The following CTSS variants were observed in gnomAD, a reference collection of about 807,000 sequenced individuals.
The protein encoded by CTSS is cathepsin S.
CTSS carries 15 observed loss-of-function variants against 39.9 expected under a neutral mutation model. The ratio of observed to expected loss-of-function variants is 0.38; its 90% CI spans 0.25 to 0.58. The LOEUF (loss-of-function observed/expected upper bound fraction) is 0.58, where lower values mean the gene tolerates loss of function less well. Ranked by LOEUF, CTSS falls within the 20% of genes least tolerant of loss-of-function variation. CTSS has a pLI of 0.70. For synonymous variants in CTSS, 126 were observed against 138.2 expected (o/e 0.91, Z 0.62); for missense variants, 250 against 398.2 (o/e 0.63, Z 3.17).
In CTSS at chr1:150,764,651, T is replaced by G. The variant is rs1184178611; in HGVS notation, c.113A>C (p.Gln38Pro). The change falls in exon 2 of 8, where the codon CAA becomes CCA. Residue 38 changes from glutamine to proline, a missense_variant. Physicochemically the swap from Gln to Pro is moderately conservative, Grantham distance 76. Coordinates refer to ENST00000368985, the MANE Select transcript of CTSS (RefSeq NM_004079.5). The stretch of plus-strand genomic sequence containing the variant: ...AATCCAATCTACCTTTTCCTTGTAT[T>G]GTTTGCCATAGGTTTTCTTCCAGAG... ...WHLWKKTYGK[Q>P]YKEKNEEAVR... 6.2e-7 allele frequency: 1 copy of G among 1,614,172 alleles called. No individual in the cohort carries two copies. Among genetic ancestry groups the G allele is most frequent in the Non-Finnish European group, 8.5e-7 (1 of 1,180,000 alleles).
intron 4 of CTSS, among the ~76,000 whole-genome samples, chr1:150,752,859 G>T (rs1532770): frequency 0.35 from 53,373 of 151,742 alleles, 9,735 homozygotes; most frequent in South Asian, 0.54. Context: ...ACTTCTTTTT[G>T]TTTGTTTGTT....
chr1:150,751,970 C>A lies in CTSS; in HGVS notation c.438G>T (p.Gly146=). ...TCAGCTTCAGCTGTGCTTCCAGGGC[C>A]CCCACAGCACTGAAAGCCCAGCAAG... ...CGACWAFSAV[G]ALEAQLKLKT... Residue 146 remains glycine (G), a synonymous_variant, in exon 5 of 8, where the codon GGG becomes GGT. Transcript: ENST00000368985. The A allele has an allele frequency of 1.2e-6, 2 of 1,614,102 alleles. No individual in the cohort carries two copies. The highest frequency in any genetic ancestry group is 2.2e-5 in the South Asian group (2 of 91,072).
intron 3 of CTSS, among the ~76,000 whole-genome samples, chr1:150,757,217 A>G (rs1653151621): frequency 6.6e-6 from 1 of 152,210 alleles, no homozygotes; most frequent in African/African-American, 2.4e-5. Flanking sequence ...GGAAGGAGAA[A>G]AAGAGAATGG....
At chr1:150,764,529 C>A in intron 2 of CTSS, 109 bp downstream of exon 2, 1 of 1,460,038 alleles carries the variant, frequency 6.8e-7, no homozygotes, top group Non-Finnish European at 9.4e-7. Context: ...CGAGCCACCA[C>A]ACCCAGCTTA....
At chr1:150,757,150 T>C (rs1049632510) in intron 3 of CTSS, among the ~76,000 whole-genome samples, 1 of 152,230 alleles carries the variant, frequency 6.6e-6, no homozygotes, top group Non-Finnish European at 1.5e-5. Context: ...GGGCGAATTA[T>C]CTGGGTTTGT....
chr1:150,762,761 C>T (rs1653290951), intron 2 of CTSS, among the ~76,000 whole-genome samples: 1 of 152,016 alleles, frequency 6.6e-6, no homozygotes, highest in African/African-American at 2.4e-5. Context: ...ATTATCAAAA[C>T]GATGAAAGAT....
rs188941304 is a variant in CTSS at position 150,730,880 on chromosome 1, T to C, written c.*2166A>G. On this transcript the variant is annotated 3_prime_UTR_variant, in exon 8 of 8. Coordinates refer to ENST00000368985, the MANE Select transcript of CTSS (RefSeq NM_004079.5). ...TAATGCATTTATAAAGAAGCATGCA[T>C]ATTAATATATAACAAACTTATCTTT... 134 of 131,070 alleles carry C rather than the reference T, an allele frequency of 1.0e-3. No individual in the cohort carries two copies. Among genetic ancestry groups the C allele is most frequent in the African/African-American group, 2.9e-3 (112 of 38,662 alleles). 8.1% of individuals were successfully genotyped at this position (131,070 alleles called of 1,614,324 possible).
chr1:150,738,181 T>C lies in CTSS; in HGVS notation c.897-5036A>G, dbSNP rs587728334. ...TCCAAGCAAACAAGAGGGAAGCAGC[T>C]ACCAGTTATGAGATTATTGCAATAG... On this transcript the variant is annotated intron_variant, in intron 7 of 7. Coordinates refer to ENST00000368985, the MANE Select transcript of CTSS (RefSeq NM_004079.5). Among the ~76,000 whole-genome samples the C allele has an allele frequency of 8.5e-5, 13 of 152,340 alleles. No individual in the cohort carries two copies. In the South Asian group the frequency reaches 2.7e-3, roughly 32 times the overall value.
chr1:150,734,252 C>A (rs944314676), intron 7 of CTSS, among the ~76,000 whole-genome samples: 2 of 151,784 alleles, frequency 1.3e-5, no homozygotes, highest in Non-Finnish European at 2.9e-5. Context: ...GTCTCCAACT[C>A]CTGACCTCAA....
At position 150,733,191 on chromosome 1, in the gene CTSS, A is replaced by G. The variant is rs781414238; in HGVS notation, c.897-46T>C. 3.5e-6 allele frequency: 5 copies of G among 1,422,320 alleles called. No individual in the cohort carries two copies. The South Asian group carries it at 4.8e-5, about 14-fold the overall frequency. 88.1% of individuals were successfully genotyped at this position (1,422,320 alleles called of 1,614,324 possible). A position where few individuals can be genotyped will look rare whatever the true frequency, so the allele number is the denominator to read the frequency against. ...CAAAATTACAAATGCGTACAATCAA[A>G]CCATGTTATCAACTTTTTATCTCAT... On this transcript the variant is annotated intron_variant, in intron 7 of 7. Transcript: ENST00000368985.
chr1:150,734,527 G>A (rs947544595), intron 7 of CTSS, among the ~76,000 whole-genome samples: 1 of 152,026 alleles, frequency 6.6e-6, no homozygotes, highest in Non-Finnish European at 1.5e-5. Flanking sequence ...TGTAGTCCCA[G>A]CTACTCGAGA....
intron 7 of CTSS, among the ~76,000 whole-genome samples, chr1:150,733,807 A>T (rs587683745): frequency 5.2e-4 from 79 of 151,246 alleles, no homozygotes; most frequent in East Asian, 1.2e-3. Context: ...TACAAAAAAA[A>T]TTTTTTTTTA....
chr1:150,741,829 T>TG (rs1652766751), intron 7 of CTSS, among the ~76,000 whole-genome samples: 1 of 151,040 alleles, frequency 6.6e-6, no homozygotes. Flanking sequence ...GAGCCGAGAT[T>TG]GTGCCACTGC....
At chr1:150,752,133 A>G (rs1339894018) in intron 4 of CTSS, 125 bp from the exon 5 acceptor site, 1 of 887,022 alleles carries the variant, frequency 1.1e-6, no homozygotes, top group Non-Finnish European at 1.7e-6. Flanking sequence ...GAGCTCCCCC[A>G]CTACAGTTTC....
chr1:150,744,900 A>T (rs1316688350), intron 7 of CTSS, among the ~76,000 whole-genome samples: 1 of 151,886 alleles, frequency 6.6e-6, no homozygotes, highest in African/African-American at 2.4e-5. Flanking sequence ...GATATAGATG[A>T]TCTTCAAGAG....
intron 7 of CTSS, 81 bp from the exon 8 acceptor site, chr1:150,733,226 C>A: frequency 2.0e-6 from 2 of 1,023,286 alleles, no homozygotes; most frequent in South Asian, 1.5e-5. Context: ...TTGTTTTTCT[C>A]CTATAAGTGA....
chr1:150,764,934 G>C (rs1571109408), intron 1 of CTSS, among the ~76,000 whole-genome samples, 170 bp from the exon 2 acceptor site: 1 of 152,154 alleles, frequency 6.6e-6, no homozygotes, highest in Non-Finnish European at 1.5e-5. Flanking sequence ...AACAGCTGCA[G>C]ATTTATGTCA....
In CTSS at chr1:150,754,205, C is replaced by G. The variant is rs1286509586; in HGVS notation, c.399+796G>C. 4.6e-5 allele frequency among the ~76,000 whole-genome samples: 7 copies of G among 151,150 alleles called. No individual in the cohort carries two copies. The South Asian group carries it at 6.3e-4, about 14-fold the overall frequency. ...CTCAGCTCACTGCAACCTCTGCCTC[C>G]CAGGTTCAAGTGATTCTCCTGCCTC... On this transcript the variant is annotated intron_variant, in intron 4 of 7. Coordinates refer to ENST00000368985, the MANE Select transcript of CTSS (RefSeq NM_004079.5).
chr1:150,742,453 A>G (rs1557809492), intron 7 of CTSS, among the ~76,000 whole-genome samples: 1 of 152,152 alleles, frequency 6.6e-6, no homozygotes, highest in Non-Finnish European at 1.5e-5. Context: ...CACTGTGGCC[A>G]GAGTATGACT....
Sources: allele counts gnomAD v4.1 joint callset (sites outside exome capture counted in the v4.1 genomes callset), GRCh38; gene constraint gnomAD v4.1.1; transcripts MANE v1.5; gene names NCBI Gene and HGNC (gene_info 2026-07-23, HGNC 2026-07-21).